The following EIF4EBP2 variants were observed in gnomAD, a reference collection of about 807,000 sequenced individuals.
The protein encoded by EIF4EBP2 is eukaryotic translation initiation factor 4E binding protein 2, also known as eukaryotic translation initiation factor 4E-binding protein 2.
In EIF4EBP2, 5 loss-of-function variants were observed where a neutral mutation model predicts 10.3. The ratio of observed to expected loss-of-function variants is 0.48; its 90% CI spans 0.25 to 1.02. EIF4EBP2 has a LOEUF of 1.02. EIF4EBP2 is among the 50% of genes least tolerant of loss of function. EIF4EBP2 has a pLI of 0.15. For missense variants in EIF4EBP2, 188 were observed against 162.2 expected, an observed-to-expected ratio of 1.16 and a Z score of -0.86; for synonymous variants, 67 against 61.1, an observed-to-expected ratio of 1.10 and a Z score of -0.45.
chr10:70,407,763 C>T (rs1330949780), intron 1 of EIF4EBP2, among the ~76,000 whole-genome samples: 1 of 136,866 alleles, frequency 7.3e-6, no homozygotes, highest in Non-Finnish European at 1.6e-5. Context: ...GACGGGGCGG[C>T]TGGCCGGGCA....
chr10:70,406,952 C>T (rs1844970432), intron 1 of EIF4EBP2, among the ~76,000 whole-genome samples: 1 of 152,144 alleles, frequency 6.6e-6, no homozygotes, highest in African/African-American at 2.4e-5. Flanking sequence ...GGCTGGAGTG[C>T]AGTGGCGCGA....
chr10:70,417,382 T>TTA (rs1845108801), intron 1 of EIF4EBP2, among the ~76,000 whole-genome samples: 1 of 151,020 alleles, frequency 6.6e-6, no homozygotes, highest in Non-Finnish European at 1.5e-5. Context: ...TTGGGGGAGG[T>TTA]TATGGGGGTA....
intron 1 of EIF4EBP2, among the ~76,000 whole-genome samples, chr10:70,407,675 T>G (rs946841236): frequency 1.3e-5 from 2 of 149,656 alleles, no homozygotes; most frequent in African/African-American, 5.0e-5. Flanking sequence ...GGCTCCTCAC[T>G]TCCCAGTAGG....
intron 1 of EIF4EBP2, among the ~76,000 whole-genome samples, chr10:70,419,118 C>G (rs946133741): frequency 3.3e-5 from 5 of 152,190 alleles, no homozygotes; most frequent in Non-Finnish European, 5.9e-5. Flanking sequence ...TGCCCAGGCT[C>G]TCTTGTCTTT....
intron 1 of EIF4EBP2, among the ~76,000 whole-genome samples, chr10:70,409,834 C>CAT (rs1749901436): frequency 6.6e-6 from 1 of 152,180 alleles, no homozygotes; most frequent in South Asian, 2.1e-4. Context: ...ATGCTGTTAC[C>CAT]ATAACAAGGG....
chr10:70,415,071 C>T (rs756725482), intron 1 of EIF4EBP2, among the ~76,000 whole-genome samples: 4 of 151,232 alleles, frequency 2.6e-5, no homozygotes, highest in Non-Finnish European at 3.0e-5. Flanking sequence ...GGCAGGAGGA[C>T]CGCTTGAGCC....
intron 1 of EIF4EBP2, among the ~76,000 whole-genome samples, chr10:70,405,598 G>A (rs1020418556): frequency 6.6e-6 from 1 of 152,200 alleles, no homozygotes; most frequent in Admixed American, 6.5e-5. Context: ...AGAGGGTGGG[G>A]ACTTCGCAGC....
At position 70,428,161 on chromosome 10, in the gene EIF4EBP2, A is replaced by G. The variant is rs1490775767; in HGVS notation, c.*6414A>G. 3 of 151,504 alleles carry G rather than the reference A, an allele frequency of 2.0e-5. No homozygotes were observed. Among genetic ancestry groups the G allele is most frequent in the African/African-American group, 7.3e-5 (3 of 41,170 alleles). 9.4% of individuals were successfully genotyped at this position (151,504 alleles called of 1,614,324 possible). A position where few individuals can be genotyped will look rare whatever the true frequency, so the allele number is the denominator to read the frequency against. Reference sequence around the variant, plus strand: ...CTGCAGATGGAGCCCATCTCTTTCCACCTGGGTGAGGAGACCCTCTGCTAC... The same window carrying G: ...CTGCAGATGGAGCCCATCTCTTTCCGCCTGGGTGAGGAGACCCTCTGCTAC... On this transcript the variant is annotated 3_prime_UTR_variant, in exon 3 of 3. Coordinates refer to ENST00000373218, the MANE Select transcript of EIF4EBP2 (RefSeq NM_004096.5).
At position 70,404,414 on chromosome 10, in the gene EIF4EBP2, G is replaced by C; in HGVS notation, c.13G>C (p.Ala5Pro). The C allele has an allele frequency of 6.3e-7, 1 of 1,586,898 alleles. No homozygotes were observed. The highest frequency in any genetic ancestry group is 8.5e-7 in the Non-Finnish European group (1 of 1,169,680). MSSS[A>P]GSGHQPSQSR... ...CGCGCCCACAGCCATGTCCTCGTCA[G>C]CCGGCAGCGGCCACCAGCCCAGCCA... The change falls in exon 1 of 3, where the codon GCC becomes CCC. Residue 5 changes from alanine to proline, a missense_variant. By Grantham distance (27) the Ala-to-Pro change is conservative (BLOSUM62 -1). Coordinates refer to ENST00000373218, the MANE Select transcript of EIF4EBP2 (RefSeq NM_004096.5).
intron 1 of EIF4EBP2, among the ~76,000 whole-genome samples, chr10:70,415,388 A>G (rs866453624): frequency 2.6e-5 from 4 of 152,322 alleles, no homozygotes; most frequent in Middle Eastern, 3.4e-3. Flanking sequence ...TGACCTTCAC[A>G]TTCAGCACAG....
In EIF4EBP2 at chr10:70,420,119, G is replaced by A; in HGVS notation, c.331+20G>A. 1.9e-6 allele frequency: 3 copies of A among 1,586,916 alleles called. No homozygotes were observed. Among genetic ancestry groups the A allele is most frequent in the East Asian group, 2.3e-5 (1 of 43,696 alleles). On this transcript the variant is annotated intron_variant, in intron 2 of 2. Coordinates refer to ENST00000373218, the MANE Select transcript of EIF4EBP2 (RefSeq NM_004096.5). The stretch of plus-strand genomic sequence containing the variant: ...CAGTTGGTAAGAGAATGGCGATGTT[G>A]GAGACCTAGAGCGTGGCTCTTGGAA...
chr10:70,416,970 T>C (rs1395509320), intron 1 of EIF4EBP2, among the ~76,000 whole-genome samples: 1 of 152,186 alleles, frequency 6.6e-6, no homozygotes, highest in Non-Finnish European at 1.5e-5. Context: ...AATTCCACTT[T>C]TTTAGTTTGG....
In EIF4EBP2 at chr10:70,404,518, G is replaced by T; in HGVS notation, c.117G>T (p.Gly39=). Residue 39 remains glycine (G), a synonymous_variant, in exon 1 of 3, where the codon GGG becomes GGT. Transcript: ENST00000373218. ...CTCATGACTATTGCACCACGCCCGG[G>T]GGGACGCTCTTCTCCACCACACCGG... The part of the protein sequence containing the change: ...QLPHDYCTTP[G]GTLFSTTPGG... 1 of 1,589,790 alleles carries T rather than the reference G, an allele frequency of 6.3e-7. No homozygotes were observed.
chr10:70,404,484 C>T lies in EIF4EBP2; in HGVS notation c.83C>T (p.Ala28Val). The T allele has an allele frequency of 6.2e-7, 1 of 1,600,044 alleles. No individual in the cohort carries two copies. The highest frequency in any genetic ancestry group is 8.5e-7 in the Non-Finnish European group (1 of 1,175,414). Residue 28 changes from alanine (A) to valine (V), a missense_variant, in exon 1 of 3, where the codon GCG (alanine) becomes GTG (valine). Transcript: ENST00000373218. ...CGCACCGTGGCCATCAGCGACGCCG[C>T]GCAGCTACCTCATGACTATTGCACC... Reference protein sequence around the residue: ...PTRTVAISDAAQLPHDYCTTP... With the variant: ...PTRTVAISDAVQLPHDYCTTP...
chr10:70,419,955 C>G lies in EIF4EBP2; in HGVS notation c.187C>G (p.Arg63Gly). The G allele has an allele frequency of 1.3e-6, 2 of 1,597,686 alleles. No homozygotes were observed. Among genetic ancestry groups the G allele is most frequent in the Non-Finnish European group, 1.7e-6 (2 of 1,175,160 alleles). ...IYDRKFLLDR[R>G]NSPMAQTPPC... ...TGACAGAAAGTTTCTGTTGGATCGTCGCAATTCTCCCATGGCTCAGACCCC... is the reference window on the plus strand; with the variant it reads ...TGACAGAAAGTTTCTGTTGGATCGTGGCAATTCTCCCATGGCTCAGACCCC... Residue 63 changes from arginine (R) to glycine (G), a missense_variant, in exon 2 of 3, where the codon CGC (arginine) becomes GGC (glycine). Transcript: ENST00000373218.
chr10:70,417,905 C>T lies in EIF4EBP2; in HGVS notation c.146-2009C>T, dbSNP rs915253910. The stretch of plus-strand genomic sequence containing the variant: ...ATTGGAAGGCCATCAGACCCCCTTT[C>T]AGCCTATTTGCCCTTATTTTACATA... On this transcript the variant is annotated intron_variant, in intron 1 of 2. Coordinates refer to ENST00000373218, the MANE Select transcript of EIF4EBP2 (RefSeq NM_004096.5). Among the ~76,000 whole-genome samples the T allele has an allele frequency of 3.3e-5, 5 of 152,312 alleles. No individual in the cohort carries two copies. The South Asian group carries it at 1.0e-3, about 32-fold the overall frequency.
chr10:70,416,020 C>T (rs1411434080), intron 1 of EIF4EBP2, among the ~76,000 whole-genome samples: 2 of 152,084 alleles, frequency 1.3e-5, no homozygotes, highest in Non-Finnish European at 2.9e-5. Context: ...AAAGAACTAT[C>T]ATAATTTAGT....
chr10:70,416,782 A>G (rs1845100962), intron 1 of EIF4EBP2, among the ~76,000 whole-genome samples: 1 of 150,460 alleles, frequency 6.6e-6, no homozygotes, highest in Admixed American at 6.7e-5. Flanking sequence ...CTCCCACCTC[A>G]GCCTCCCCAG....
At chr10:70,407,628 A>G (rs1023251839) in intron 1 of EIF4EBP2, among the ~76,000 whole-genome samples, 2 of 151,892 alleles carry the variant, frequency 1.3e-5, no homozygotes, top group African/African-American at 2.4e-5. Context: ...TGAGCTGTTG[A>G]GTACACCTCC....
Sources: allele counts gnomAD v4.1 joint callset (sites outside exome capture counted in the v4.1 genomes callset), GRCh38; gene constraint gnomAD v4.1.1; transcripts MANE v1.5; gene names NCBI Gene and HGNC (gene_info 2026-07-23, HGNC 2026-07-21).